Variants in GPC5 observed in about 807,000 individuals in gnomAD.
GPC5 encodes glypican-5.
GPC5 carries 47 observed loss-of-function variants against 53.9 expected under a neutral mutation model. The observed-to-expected ratio is 0.87, with a 90% CI of 0.69 to 1.11. GPC5 has a LOEUF of 1.11. GPC5 is among the 50% of genes most tolerant of loss of function. GPC5 has a pLI of 0.00. For missense variants in GPC5, 748 were observed against 713.1 expected (o/e 1.05, Z -0.56); for synonymous variants, 286 against 263.3 (o/e 1.09, Z -0.84).
At chr13:92,752,263 G>A (rs1464267400) in intron 7 of GPC5, among the ~76,000 whole-genome samples, 1 of 152,082 alleles carries the variant, frequency 6.6e-6, no homozygotes, top group Non-Finnish European at 1.5e-5. Flanking sequence ...TTCTCCCACA[G>A]TTTTGTGACA....
intron 6 of GPC5, among the ~76,000 whole-genome samples, chr13:92,090,975 G>A (rs1011276694): frequency 2.0e-5 from 3 of 152,186 alleles, no homozygotes; most frequent in African/African-American, 7.2e-5. Flanking sequence ...GCCATGTGAA[G>A]ATATAGTCAG....
chr13:92,858,098 A>C (rs975025392), intron 7 of GPC5, among the ~76,000 whole-genome samples: 9 of 152,152 alleles, frequency 5.9e-5, no homozygotes, highest in African/African-American at 1.7e-4. Context: ...TGGATAAATA[A>C]AATGTGGTAT....
chr13:92,780,605 A>G (rs1317548384), intron 7 of GPC5, among the ~76,000 whole-genome samples: 2 of 152,052 alleles, frequency 1.3e-5, no homozygotes, highest in African/African-American at 4.8e-5. Context: ...CATAATCGTG[A>G]GTCCAGACTT....
At chr13:91,742,916 G>A (rs17334400) in intron 4 of GPC5, among the ~76,000 whole-genome samples, 15,229 of 151,992 alleles carry the variant, frequency 0.1, 935 homozygotes, top group Non-Finnish European at 0.13. Context: ...TAATTTTATA[G>A]CCATAGACAT....
intron 7 of GPC5, among the ~76,000 whole-genome samples, chr13:92,380,589 G>T (rs1279687841): frequency 1.3e-5 from 2 of 151,968 alleles, no homozygotes; most frequent in African/African-American, 4.8e-5. Context: ...ATACACCATG[G>T]AATACTATGC....
intron 7 of GPC5, among the ~76,000 whole-genome samples, chr13:92,165,823 C>T (rs2042023438): frequency 6.6e-6 from 1 of 152,172 alleles, no homozygotes; most frequent in African/African-American, 2.4e-5. Context: ...CATGTATTAA[C>T]ATATGTAATC....
In GPC5 at chr13:92,840,561, CA is replaced by C. The variant is rs1230296038; in HGVS notation, c.1562-25717del. On this transcript the variant is annotated intron_variant, in intron 7 of 7. Coordinates refer to ENST00000377067, the MANE Select transcript of GPC5 (RefSeq NM_004466.6). ...TAAGCCCTTTAATTGTTTTCATTTT[CA>C]AAACTGTTTTGGCTACTTTGGAGTC... 3.3e-5 allele frequency among the ~76,000 whole-genome samples: 5 copies of C among 151,918 alleles called. No homozygotes were observed. In the East Asian group the frequency reaches 7.7e-4, roughly 24 times the overall value.
At chr13:91,807,848 T>C (rs935316890) in intron 5 of GPC5, among the ~76,000 whole-genome samples, 12 of 152,176 alleles carry the variant, frequency 7.9e-5, no homozygotes, top group African/African-American at 2.9e-4. Context: ...AAATTAGTTT[T>C]AAATTATCTT....
chr13:91,598,695 A>C (rs2033078981), intron 2 of GPC5, among the ~76,000 whole-genome samples: 2 of 152,044 alleles, frequency 1.3e-5, no homozygotes, highest in Non-Finnish European at 2.9e-5. Context: ...TCTAAATGTC[A>C]TATGACCCCA....
At chr13:91,679,924 T>C (rs1194986144) in intron 2 of GPC5, among the ~76,000 whole-genome samples, 1 of 152,216 alleles carries the variant, frequency 6.6e-6, no homozygotes, top group East Asian at 1.9e-4. Context: ...ATTTTTTTTT[T>C]TCTGAATACC....
chr13:91,638,558 G>T (rs1336404817), intron 2 of GPC5, among the ~76,000 whole-genome samples: 1 of 151,898 alleles, frequency 6.6e-6, no homozygotes, highest in Non-Finnish European at 1.5e-5. Flanking sequence ...TAGAGAAGGG[G>T]TTTTACCATA....
intron 7 of GPC5, among the ~76,000 whole-genome samples, chr13:92,427,003 T>C (rs1315417050): frequency 6.6e-6 from 1 of 151,996 alleles, no homozygotes; most frequent in Non-Finnish European, 1.5e-5. Flanking sequence ...GACCATTACA[T>C]AGGCTCACTC....
In GPC5 at chr13:92,135,825, G is replaced by T. The variant is rs560332920; in HGVS notation, c.1402-9005G>T. ...AAGAAATCCGACAGAAATGACTTCGGTGTCTGGTCAACTTAACATAACATG... is the reference window on the plus strand; with the variant it reads ...AAGAAATCCGACAGAAATGACTTCGTTGTCTGGTCAACTTAACATAACATG... On this transcript the variant is annotated intron_variant, in intron 6 of 7. Transcript: ENST00000377067. Among the ~76,000 whole-genome samples, 59 of 152,292 alleles carry T rather than the reference G, an allele frequency of 3.9e-4. 1 individual carries two copies. In the East Asian group the frequency reaches 0.01, roughly 27 times the overall value.
chr13:91,572,182 T>C (rs1407127496), intron 2 of GPC5, among the ~76,000 whole-genome samples: 1 of 34,756 alleles, frequency 2.9e-5, no homozygotes, highest in East Asian at 1.4e-3. Flanking sequence ...TATATATACG[T>C]GTGTATACAC....
At chr13:92,434,150 T>G (rs998739881) in intron 7 of GPC5, among the ~76,000 whole-genome samples, 1 of 152,200 alleles carries the variant, frequency 6.6e-6, no homozygotes, top group African/African-American at 2.4e-5. Flanking sequence ...ATTGCTGTAC[T>G]AGTAAATGTT....
chr13:91,782,336 A>G (rs2037810994), intron 5 of GPC5, among the ~76,000 whole-genome samples: 1 of 152,174 alleles, frequency 6.6e-6, no homozygotes, highest in South Asian at 2.1e-4. Context: ...AGACTGGCCC[A>G]TTTATAAAAG....
chr13:92,100,751 A>G lies in GPC5; in HGVS notation c.1402-44079A>G, dbSNP rs529966422. On this transcript the variant is annotated intron_variant, in intron 6 of 7. Coordinates refer to ENST00000377067, the MANE Select transcript of GPC5 (RefSeq NM_004466.6). ...TCTGTTAGGGGAGACTAAAGATGCC[A>G]AGACCAAGGAGTTAGAAACTATAAT... 4.2e-4 allele frequency among the ~76,000 whole-genome samples: 64 copies of G among 152,316 alleles called. No individual in the cohort carries two copies. In the South Asian group the frequency reaches 0.012, roughly 28 times the overall value.
At chr13:92,832,033 T>A (rs1468533096) in intron 7 of GPC5, among the ~76,000 whole-genome samples, 1 of 152,062 alleles carries the variant, frequency 6.6e-6, no homozygotes, top group Non-Finnish European at 1.5e-5. Flanking sequence ...ATTCATTCTA[T>A]TTTTTTCAAT....
At chr13:91,921,867 A>C (rs946989494) in intron 6 of GPC5, among the ~76,000 whole-genome samples, 1 of 151,990 alleles carries the variant, frequency 6.6e-6, no homozygotes, top group East Asian at 1.9e-4. Context: ...GCTACTCCAG[A>C]GGCTGAGGTG....
Sources: allele counts gnomAD v4.1 joint callset (sites outside exome capture counted in the v4.1 genomes callset), GRCh38; gene constraint gnomAD v4.1.1; transcripts MANE v1.5; gene names NCBI Gene and HGNC (gene_info 2026-07-23, HGNC 2026-07-21).